The following GNG2 variants were observed in gnomAD, a reference collection of about 807,000 sequenced individuals.
GNG2 encodes G protein subunit gamma 2, also known as guanine nucleotide-binding protein G(I)/G(S)/G(O) subunit gamma-2.
In GNG2, 5 loss-of-function variants were observed where a neutral mutation model predicts 5.5. That is an observed-to-expected ratio of 0.91 (90% CI 0.48 to 1.92). The LOEUF (loss-of-function observed/expected upper bound fraction) is 1.92, where lower values mean the gene tolerates loss of function less well. GNG2 is among the 30% of genes most tolerant of loss of function. The pLI, the probability that GNG2 is intolerant of heterozygous loss-of-function variation, is 0.01. For missense variants in GNG2, 55 were observed against 88.4 expected (o/e 0.62, Z 1.52); for synonymous variants, 28 against 32.0 (o/e 0.88, Z 0.42).
At chr14:51,875,841 CTTATT>C (rs1883621285) in intron 1 of GNG2, among the ~76,000 whole-genome samples, 1 of 150,590 alleles carries the variant, frequency 6.6e-6, no homozygotes, top group Non-Finnish European at 1.5e-5. Flanking sequence ...ATAAAATAAC[CTTATT>C]TTAAGTTACT....
chr14:51,951,972 A>G lies in GNG2; in HGVS notation c.87+1207A>G, dbSNP rs143071929. The G allele has an allele frequency of 1.8e-4, 126 of 687,766 alleles. No homozygotes were observed. In the Admixed American group the frequency reaches 2.3e-3, roughly 13 times the overall value. The allele number at this position is 687,766 out of a possible 1,614,324, so 42.6% of individuals were successfully genotyped here. On this transcript the variant is annotated intron_variant, in intron 3 of 3. Coordinates refer to ENST00000556766, the MANE Select transcript of GNG2 (RefSeq NM_053064.5). Reference sequence around the variant, plus strand: ...CCCAGAGAGCTCTATAAAAGGACCAATTACCGAACCACACCCAAACCAATT... The same window carrying G: ...CCCAGAGAGCTCTATAAAAGGACCAGTTACCGAACCACACCCAAACCAATT...
At chr14:51,900,385 G>T (rs559665365) in intron 2 of GNG2, among the ~76,000 whole-genome samples, 254 of 151,954 alleles carry the variant, frequency 1.7e-3, no homozygotes, top group African/African-American at 6.0e-3. Context: ...GAAAAAACCT[G>T]GTTTCAGGAA....
intron 3 of GNG2, among the ~76,000 whole-genome samples, chr14:51,960,165 G>A (rs951557468): frequency 2.2e-5 from 3 of 134,874 alleles, no homozygotes; most frequent in African/African-American, 8.1e-5. Flanking sequence ...ATCTCAGTGT[G>A]TTTTGTTCAT....
chr14:51,958,842 GGAA>G (rs759703260), intron 3 of GNG2, among the ~76,000 whole-genome samples: 6 of 152,226 alleles, frequency 3.9e-5, no homozygotes, highest in Non-Finnish European at 8.8e-5. Flanking sequence ...GAATTGTCCA[GGAA>G]GAAGAAGGAG....
intron 2 of GNG2, among the ~76,000 whole-genome samples, chr14:51,840,821 A>G (rs577081063): frequency 1.3e-5 from 2 of 152,286 alleles, no homozygotes; most frequent in African/African-American, 4.8e-5. Context: ...TCTTTCTTTT[A>G]TATCAGTTAG....
chr14:51,925,512 GA>G (rs1484538781), intron 2 of GNG2, among the ~76,000 whole-genome samples: 5 of 152,168 alleles, frequency 3.3e-5, no homozygotes, highest in Non-Finnish European at 7.3e-5. Flanking sequence ...CACAAATTAG[GA>G]AGCGCTCAGA....
At chr14:51,897,908 C>T (rs1337739137) in intron 2 of GNG2, among the ~76,000 whole-genome samples, 1 of 152,162 alleles carries the variant, frequency 6.6e-6, no homozygotes, top group African/African-American at 2.4e-5. Flanking sequence ...CAAGTTCTGC[C>T]TTAAAATGAG....
At chr14:51,908,632 C>T (rs1287200358) in intron 2 of GNG2, among the ~76,000 whole-genome samples, 4 of 149,922 alleles carry the variant, frequency 2.7e-5, no homozygotes, top group Admixed American at 1.3e-4. Flanking sequence ...GGCAGTGGCG[C>T]GATCTCGGCT....
intron 3 of GNG2, among the ~76,000 whole-genome samples, chr14:51,961,983 A>G (rs1889641122): frequency 6.6e-6 from 1 of 152,216 alleles, no homozygotes; most frequent in Non-Finnish European, 1.5e-5. Flanking sequence ...TATTTTAAAA[A>G]TATCTTTCTA....
chr14:51,849,575 C>T (rs1450418622), intron 2 of GNG2, among the ~76,000 whole-genome samples: 1 of 152,210 alleles, frequency 6.6e-6, no homozygotes, highest in African/African-American at 2.4e-5. Context: ...ATACTGGGTA[C>T]ATTCCTGCTG....
Position 51,929,563 on chromosome 14 carries a change from G to A in GNG2, c.-29-21087G>A, listed in dbSNP as rs188629593. 2.8e-3 allele frequency among the ~76,000 whole-genome samples: 429 copies of A among 152,294 alleles called. 14 individuals are homozygous for A. Among genetic ancestry groups the A allele is most frequent in the Admixed American group, 0.023 (353 of 15,302 alleles). ...CAGGCATTAGTCATAAATATAAGCC[G>A]TATGTACCCAGAGCCAAAAGTGATT... On this transcript the variant is annotated intron_variant, in intron 2 of 3. Coordinates refer to ENST00000556766, the MANE Select transcript of GNG2 (RefSeq NM_053064.5).
At chr14:51,952,745 C>T (rs1047010549) in intron 3 of GNG2, among the ~76,000 whole-genome samples, 1 of 152,190 alleles carries the variant, frequency 6.6e-6, no homozygotes, top group African/African-American at 2.4e-5. Context: ...TCATCCCTCA[C>T]CTGAATTACT....
At chr14:51,841,699 T>TA in intron 2 of GNG2, 1 of 598,934 alleles carries the variant, frequency 1.7e-6, no homozygotes, top group Non-Finnish European at 3.0e-6. Flanking sequence ...GAAAAATCAC[T>TA]TTGTAGGAAA....
chr14:51,893,502 T>C (rs982504788), intron 2 of GNG2, among the ~76,000 whole-genome samples: 1 of 152,210 alleles, frequency 6.6e-6, no homozygotes, highest in Non-Finnish European at 1.5e-5. Context: ...TTTGTCCGCT[T>C]TATATGCTGC....
chr14:51,832,408 A>G (rs988754623), intron 2 of GNG2, among the ~76,000 whole-genome samples: 1 of 152,338 alleles, frequency 6.6e-6, no homozygotes, highest in African/African-American at 2.4e-5. Flanking sequence ...TGCTAATTAG[A>G]TACAAAACTA....
chr14:51,840,355 C>T (rs1881448599), intron 2 of GNG2, among the ~76,000 whole-genome samples: 1 of 152,166 alleles, frequency 6.6e-6, no homozygotes. Context: ...TAAAATGTTC[C>T]ACACAAAATC....
intron 3 of GNG2, among the ~76,000 whole-genome samples, chr14:51,959,899 A>C (rs1274930094): frequency 2.6e-5 from 4 of 152,072 alleles, no homozygotes; most frequent in Non-Finnish European, 5.9e-5. Flanking sequence ...TTCATTGCCT[A>C]TTCTCACCAT....
At chr14:51,840,085 G>A (rs1881443190) in intron 2 of GNG2, among the ~76,000 whole-genome samples, 1 of 152,156 alleles carries the variant, frequency 6.6e-6, no homozygotes, top group South Asian at 2.1e-4. Context: ...GAAGGTATAA[G>A]AGTACCTGTA....
intron 2 of GNG2, among the ~76,000 whole-genome samples, chr14:51,929,434 G>A (rs1887527078): frequency 1.3e-5 from 2 of 152,146 alleles, no homozygotes; most frequent in South Asian, 4.1e-4. Flanking sequence ...AGCCTTTCAG[G>A]ACACACAGGG....
Sources: allele counts gnomAD v4.1 joint callset (sites outside exome capture counted in the v4.1 genomes callset), GRCh38; gene constraint gnomAD v4.1.1; transcripts MANE v1.5; gene names NCBI Gene and HGNC (gene_info 2026-07-23, HGNC 2026-07-21).